Variants in MED27 observed in about 807,000 individuals in gnomAD.
MED27 encodes the protein mediator complex subunit 27, also known as mediator of RNA polymerase II transcription subunit 27.
A neutral mutation model predicts 38.2 loss-of-function variants in MED27; 30 were observed. The ratio of observed to expected loss-of-function variants is 0.79; its 90% CI spans 0.59 to 1.07. The LOEUF (loss-of-function observed/expected upper bound fraction) is 1.07, where lower values mean the gene tolerates loss of function less well. Ranked by LOEUF, MED27 falls within the 50% of genes least tolerant of loss-of-function variation. The probability of loss-of-function intolerance (pLI) is 0.00; values close to 1 mark genes in which losing one functional copy is unlikely to be tolerated. For synonymous variants in MED27, 122 were observed against 153.5 expected (o/e 0.79, Z 1.52); for missense variants, 289 against 397.5 (o/e 0.73, Z 2.32).
At chr9:131,907,353 G>A (rs986027922) in intron 4 of MED27, among the ~76,000 whole-genome samples, 4 of 151,944 alleles carry the variant, frequency 2.6e-5, no homozygotes, top group Admixed American at 1.3e-4. Context: ...GAGTGCCTGC[G>A]ACTGCAGGCA....
intron 2 of MED27, among the ~76,000 whole-genome samples, chr9:132,024,850 C>G (rs1832785303): frequency 6.6e-6 from 1 of 152,146 alleles, no homozygotes; most frequent in African/African-American, 2.4e-5. Flanking sequence ...CCTAAATGCC[C>G]AGAAAGTTGG....
intron 5 of MED27, among the ~76,000 whole-genome samples, chr9:131,893,393 G>A (rs539135941): frequency 6.6e-6 from 1 of 152,306 alleles, no homozygotes; most frequent in South Asian, 2.1e-4. Context: ...GTCACCCGTG[G>A]AAATAACACG....
intron 4 of MED27, among the ~76,000 whole-genome samples, chr9:131,933,311 G>A (rs906344368): frequency 2.6e-5 from 4 of 151,852 alleles, no homozygotes; most frequent in African/African-American, 9.7e-5. Context: ...AAAGGAAGAG[G>A]GTCAAATTAT....
At chr9:131,940,681 G>A (rs991509416) in intron 3 of MED27, among the ~76,000 whole-genome samples, 1 of 152,200 alleles carries the variant, frequency 6.6e-6, no homozygotes, top group African/African-American at 2.4e-5. Context: ...CTCCCAAAAT[G>A]CCGGGATTAC....
At chr9:132,069,910 C>A (rs1214288091) in intron 2 of MED27, among the ~76,000 whole-genome samples, 1 of 152,172 alleles carries the variant, frequency 6.6e-6, no homozygotes, top group Non-Finnish European at 1.5e-5. Context: ...GACTGCACAC[C>A]GCCAGGCACA....
At chr9:131,876,284 A>G (rs1838931654) in intron 6 of MED27, among the ~76,000 whole-genome samples, 1 of 151,922 alleles carries the variant, frequency 6.6e-6, no homozygotes, top group South Asian at 2.1e-4. Context: ...CTACTCTGTG[A>G]CTCCTCTAAT....
chr9:132,020,377 T>G (rs538697606), intron 2 of MED27, among the ~76,000 whole-genome samples: 287 of 152,254 alleles, frequency 1.9e-3, no homozygotes, highest in Non-Finnish European at 2.8e-3. Flanking sequence ...AGCCACAACC[T>G]AAGGACCCAT....
chr9:132,077,997 T>C (rs1235836776), intron 1 of MED27, among the ~76,000 whole-genome samples: 1 of 152,222 alleles, frequency 6.6e-6, no homozygotes, highest in South Asian at 2.1e-4. Flanking sequence ...AAGTACCTGA[T>C]TAAATGATGA....
At chr9:131,925,669 C>T (rs1206948578) in intron 4 of MED27, among the ~76,000 whole-genome samples, 2 of 151,852 alleles carry the variant, frequency 1.3e-5, no homozygotes, top group Non-Finnish European at 2.9e-5. Flanking sequence ...AGTTAAAACC[C>T]AGGGAAAATT....
chr9:131,875,113 C>A (rs1158782197), intron 6 of MED27, among the ~76,000 whole-genome samples: 4 of 152,124 alleles, frequency 2.6e-5, no homozygotes, highest in African/African-American at 9.7e-5. Context: ...ACATCTCAAT[C>A]TCGGGTGCCT....
intron 3 of MED27, among the ~76,000 whole-genome samples, chr9:131,984,604 G>A (rs953107791): frequency 2.0e-5 from 3 of 152,214 alleles, no homozygotes; most frequent in Non-Finnish European, 4.4e-5. Flanking sequence ...GACTGGGGAA[G>A]CTACTTTAGA....
At position 131,861,980 on chromosome 9, in the gene MED27, T is replaced by C. The variant is rs1306873662; in HGVS notation, c.801+1083A>G. ...AGGGAAAGGGGGCATTACAACGTGTTAGGCTCAAAAGCAAGTCTTTATATC... is the reference window on the plus strand; with the variant it reads ...AGGGAAAGGGGGCATTACAACGTGTCAGGCTCAAAAGCAAGTCTTTATATC... On this transcript the variant is annotated intron_variant, in intron 7 of 7. Transcript: ENST00000292035. The surrounding 1 kb of genome is among the most constrained non-coding windows in gnomAD (Gnocchi z 4.4). Among the ~76,000 whole-genome samples the C allele has an allele frequency of 6.6e-6, 1 of 152,146 alleles. No individual in the cohort carries two copies. The highest frequency in any genetic ancestry group is 1.5e-5 in the Non-Finnish European group (1 of 68,028).
intron 3 of MED27, among the ~76,000 whole-genome samples, chr9:132,002,401 C>A (rs1400247852): frequency 6.6e-6 from 1 of 152,112 alleles, no homozygotes; most frequent in Non-Finnish European, 1.5e-5. Flanking sequence ...TCTGTTCTGC[C>A]CTAAAAGACT....
At chr9:131,925,269 G>T (rs1830462836) in intron 4 of MED27, among the ~76,000 whole-genome samples, 1 of 152,186 alleles carries the variant, frequency 6.6e-6, no homozygotes, top group Non-Finnish European at 1.5e-5. Flanking sequence ...GGGTACATAA[G>T]AGTTGTATAT....
In MED27 at chr9:131,970,243, G is replaced by A. The variant is rs538039749; in HGVS notation, c.480-30769C>T. On this transcript the variant is annotated intron_variant, in intron 3 of 7. Transcript: ENST00000292035. ...AAAGCAGCTCCTCTTCTGTGGACAC[G>A]TGGCTGGGAGCAGAACTCAAACAAA... Among the ~76,000 whole-genome samples, 47 of 152,378 alleles carry A rather than the reference G, an allele frequency of 3.1e-4. 2 individuals carry two copies. The East Asian group carries it at 8.1e-3, about 26-fold the overall frequency.
chr9:131,974,706 G>T (rs1831566684), intron 3 of MED27, among the ~76,000 whole-genome samples: 1 of 152,210 alleles, frequency 6.6e-6, no homozygotes, highest in Admixed American at 6.5e-5. Flanking sequence ...TGGAACACGG[G>T]AGAGAAGAAT....
At chr9:132,037,570 C>T (rs1833107229) in intron 2 of MED27, among the ~76,000 whole-genome samples, 1 of 152,158 alleles carries the variant, frequency 6.6e-6, no homozygotes, top group African/African-American at 2.4e-5. Context: ...ATTCATATTT[C>T]AAAATCTAAA....
At chr9:131,992,013 G>A (rs867049896) in intron 3 of MED27, among the ~76,000 whole-genome samples, 6 of 152,100 alleles carry the variant, frequency 3.9e-5, no homozygotes, top group East Asian at 1.9e-4. Flanking sequence ...GAGCCACCGC[G>A]CTCAGCCACA....
At chr9:132,071,229 GC>G (rs1402986619) in intron 2 of MED27, among the ~76,000 whole-genome samples, 2 of 152,146 alleles carry the variant, frequency 1.3e-5, no homozygotes, top group Admixed American at 1.3e-4. Context: ...AGGTAACACA[GC>G]ATGTGAGCCA....
Sources: gnomAD v4.1 joint callset for allele counts (sites outside exome capture counted in the v4.1 genomes callset) on GRCh38, gnomAD v4.1.1 for gene constraint, Gnocchi (gnomAD v3.1) non-coding constraint, MANE v1.5 for transcripts, NCBI Gene and HGNC (gene_info 2026-07-23, HGNC 2026-07-21) for gene names.